OPCML: variants seen among roughly 807,000 people sequenced by gnomAD.
The protein encoded by OPCML is opioid binding protein/cell adhesion molecule like, also known as opioid-binding protein/cell adhesion molecule.
In OPCML, 13 loss-of-function variants were observed where a neutral mutation model predicts 37.8. The ratio of observed to expected loss-of-function variants is 0.34; its 90% CI spans 0.22 to 0.55. The LOEUF (loss-of-function observed/expected upper bound fraction) is 0.55. OPCML is among the 20% of genes least tolerant of loss of function. The probability of loss-of-function intolerance (pLI) is 0.91; values close to 1 mark genes in which losing one functional copy is unlikely to be tolerated. For synonymous variants in OPCML, 176 were observed against 168.8 expected (o/e 1.04, Z -0.33); for missense variants, 341 against 435.6 (o/e 0.78, Z 1.93).
intron 1 of OPCML, among the ~76,000 whole-genome samples, chr11:133,232,731 A>C (rs1940332320): frequency 6.6e-6 from 1 of 152,224 alleles, no homozygotes; most frequent in African/African-American, 2.4e-5. Flanking sequence ...TGAGCATCAC[A>C]ACTTCATAAA....
At chr11:132,963,603 A>AG (rs1304799284) in intron 1 of OPCML, among the ~76,000 whole-genome samples, 3 of 151,732 alleles carry the variant, frequency 2.0e-5, no homozygotes, top group African/African-American at 7.3e-5. Flanking sequence ...AAAAAAAAAA[A>AG]AAAACTGTGG....
At chr11:133,458,247 CAT>C (rs35940750) in intron 1 of OPCML, among the ~76,000 whole-genome samples, 4,026 of 70,264 alleles carry the variant, frequency 0.057, 449 homozygotes, top group African/African-American at 0.17. Context: ...TATATATACA[CAT>C]ATATATACAC....
At chr11:132,911,780 A>C (rs1213705854) in intron 2 of OPCML, among the ~76,000 whole-genome samples, 1 of 152,164 alleles carries the variant, frequency 6.6e-6, no homozygotes, top group East Asian at 1.9e-4. Flanking sequence ...AAAATGATAA[A>C]GTTTGTAGTT....
chr11:133,428,052 CA>C (rs1369124244), intron 1 of OPCML, among the ~76,000 whole-genome samples: 8 of 152,180 alleles, frequency 5.3e-5, no homozygotes, highest in African/African-American at 1.9e-4. Context: ...AACATAGATG[CA>C]AAATCCTCAT....
intron 2 of OPCML, among the ~76,000 whole-genome samples, chr11:132,844,020 C>T (rs1453956459): frequency 2.6e-5 from 4 of 152,184 alleles, no homozygotes; most frequent in African/African-American, 9.7e-5. Context: ...GTGCTGTTCT[C>T]ATGATAGTGA....
chr11:133,314,475 C>T (rs1282462867), intron 1 of OPCML, among the ~76,000 whole-genome samples: 1 of 151,462 alleles, frequency 6.6e-6, no homozygotes, highest in Non-Finnish European at 1.5e-5. Context: ...GCCCCAGAAC[C>T]ATGGATTGGC....
chr11:133,004,758 C>G (rs1299186164), intron 1 of OPCML: 7 of 985,316 alleles, frequency 7.1e-6, no homozygotes, highest in Non-Finnish European at 8.4e-6. Context: ...TGGATGGACG[C>G]TGGCTCAGAA....
chr11:132,549,043 C>T (rs1386135873), intron 3 of OPCML, among the ~76,000 whole-genome samples: 1 of 152,120 alleles, frequency 6.6e-6, no homozygotes, highest in African/African-American at 2.4e-5. Flanking sequence ...ACCTCCTGGG[C>T]TGCATTCCCA....
intron 7 of OPCML, among the ~76,000 whole-genome samples, chr11:132,421,785 A>G (rs2095960112): frequency 6.6e-6 from 1 of 152,158 alleles, no homozygotes; most frequent in Admixed American, 6.5e-5. Flanking sequence ...ATTGATGGAA[A>G]GTAGCCTGAC....
chr11:132,432,452 A>T (rs183398998), intron 7 of OPCML, among the ~76,000 whole-genome samples: 54 of 152,294 alleles, frequency 3.5e-4, no homozygotes, highest in Admixed American at 3.5e-3. Flanking sequence ...GAAACCAAAC[A>T]TCTTATCCAA....
chr11:132,559,179 AG>A (rs1460408164), intron 3 of OPCML, among the ~76,000 whole-genome samples: 3 of 152,030 alleles, frequency 2.0e-5, no homozygotes, highest in Admixed American at 6.6e-5. Flanking sequence ...GGGGAAAGAG[AG>A]GGAGAGAGGA....
At chr11:133,121,414 T>C (rs1254135386) in intron 1 of OPCML, among the ~76,000 whole-genome samples, 2 of 152,224 alleles carry the variant, frequency 1.3e-5, no homozygotes, top group Non-Finnish European at 2.9e-5. Flanking sequence ...TTCGTTACGA[T>C]AGATAAAAGA....
At chr11:132,709,127 C>T (rs1199945700) in intron 2 of OPCML, among the ~76,000 whole-genome samples, 1 of 152,192 alleles carries the variant, frequency 6.6e-6, no homozygotes, top group Admixed American at 6.5e-5. Context: ...ATCAATAATG[C>T]ATAGCAGATA....
chr11:132,563,407 G>A (rs551815393), intron 3 of OPCML, among the ~76,000 whole-genome samples: 368 of 151,984 alleles, frequency 2.4e-3, no homozygotes, highest in South Asian at 4.2e-3. Flanking sequence ...ACTTCTCCCC[G>A]AATGTCTCTG....
At chr11:132,521,916 A>G (rs2096294863) in intron 4 of OPCML, among the ~76,000 whole-genome samples, 1 of 152,184 alleles carries the variant, frequency 6.6e-6, no homozygotes, top group African/African-American at 2.4e-5. Flanking sequence ...ATAGAGTCAT[A>G]TAGGTACCAT....
chr11:133,477,699 C>T (rs928501334), intron 1 of OPCML, among the ~76,000 whole-genome samples: 1 of 152,208 alleles, frequency 6.6e-6, no homozygotes, highest in Non-Finnish European at 1.5e-5. Context: ...ACGGGCCAGG[C>T]ATTCCTTAGT....
intron 1 of OPCML, among the ~76,000 whole-genome samples, chr11:133,167,736 C>A (rs1270794879): frequency 2.0e-5 from 3 of 152,090 alleles, no homozygotes; most frequent in African/African-American, 7.2e-5. Context: ...CACAGACAGA[C>A]CTTTCTGCAG....
chr11:132,562,895 C>T (rs1441357160), intron 3 of OPCML, among the ~76,000 whole-genome samples: 1 of 152,166 alleles, frequency 6.6e-6, no homozygotes, highest in African/African-American at 2.4e-5. Flanking sequence ...CTGATGTATA[C>T]ACTGGAAATG....
chr11:132,642,451 C>T (rs1173454204), intron 3 of OPCML, among the ~76,000 whole-genome samples: 1 of 152,084 alleles, frequency 6.6e-6, no homozygotes, highest in East Asian at 1.9e-4. Context: ...CACACATGTT[C>T]ACATGTATTA....
Sources: allele counts gnomAD v4.1 joint callset (sites outside exome capture counted in the v4.1 genomes callset), GRCh38; gene constraint gnomAD v4.1.1; transcripts MANE v1.5; gene names NCBI Gene and HGNC (gene_info 2026-07-23, HGNC 2026-07-21).